BNC2: variants seen among roughly 807,000 people sequenced by gnomAD.
BNC2 encodes the protein basonuclin zinc finger protein 2.
Under a neutral mutation model 76.3 loss-of-function variants are expected in BNC2, and 20 were observed. That is an observed-to-expected ratio of 0.26 (90% confidence interval 0.18 to 0.38). The LOEUF (loss-of-function observed/expected upper bound fraction) is 0.38. BNC2 is among the 10% of genes least tolerant of loss of function. The pLI is 1.00. For synonymous variants in BNC2, 582 were observed against 514.8 expected, an observed-to-expected ratio of 1.13 and a Z score of -1.77; for missense variants, 1,382 against 1,399.8, an observed-to-expected ratio of 0.99 and a Z score of 0.20.
intron 1 of BNC2, among the ~76,000 whole-genome samples, chr9:16,857,016 A>T (rs560845078): frequency 8.7e-4 from 133 of 152,352 alleles, no homozygotes; most frequent in Admixed American, 3.1e-3. Context: ...TTGTCAGTCC[A>T]TACATATAAA....
chr9:16,763,461 A>G (rs1395184141), intron 1 of BNC2, among the ~76,000 whole-genome samples: 1 of 151,976 alleles, frequency 6.6e-6, no homozygotes, highest in Non-Finnish European at 1.5e-5. Context: ...TCCCAGCTAC[A>G]TGGGAAGCTG....
chr9:16,729,621 C>G (rs1001086624), intron 2 of BNC2, among the ~76,000 whole-genome samples: 1 of 152,122 alleles, frequency 6.6e-6, no homozygotes, highest in Non-Finnish European at 1.5e-5. Flanking sequence ...AGGAAACAAA[C>G]AAGAACCCAA....
chr9:16,558,599 T>G (rs993512196), intron 4 of BNC2, among the ~76,000 whole-genome samples: 2 of 152,158 alleles, frequency 1.3e-5, no homozygotes, highest in African/African-American at 4.8e-5. Context: ...AGAGTTCTAT[T>G]ACAACTACCC....
chr9:16,659,533 A>G lies in BNC2; in HGVS notation c.330+68264T>C, dbSNP rs532316393. ...TGAGGCAGGAGAATCGCTTGAACCC[A>G]GGAGGCGGAAATTGAAGTTAGCCGA... On this transcript the variant is annotated intron_variant, in intron 3 of 6. Coordinates refer to ENST00000380672, the MANE Select transcript of BNC2 (RefSeq NM_017637.6). Among the ~76,000 whole-genome samples, 25 of 149,924 alleles carry G rather than the reference A, an allele frequency of 1.7e-4. No individual in the cohort carries two copies. The East Asian group carries it at 3.2e-3, about 19-fold the overall frequency.
intron 3 of BNC2, among the ~76,000 whole-genome samples, chr9:16,645,620 G>C (rs552085380): frequency 1.3e-5 from 2 of 152,290 alleles, no homozygotes; most frequent in African/African-American, 4.8e-5. Flanking sequence ...TCCCATCACA[G>C]CACAAGAGTT....
intron 5 of BNC2, among the ~76,000 whole-genome samples, chr9:16,542,150 A>C (rs1818341067): frequency 6.6e-6 from 1 of 152,212 alleles, no homozygotes; most frequent in Admixed American, 6.5e-5. Flanking sequence ...AAATCAGGTT[A>C]ACACATTTCC....
chr9:16,847,605 G>GTA (rs1353537708), intron 1 of BNC2, among the ~76,000 whole-genome samples: 1 of 152,076 alleles, frequency 6.6e-6, no homozygotes. Flanking sequence ...ATACAAGGTA[G>GTA]TATAACTTAA....
intron 3 of BNC2, among the ~76,000 whole-genome samples, chr9:16,720,574 A>G (rs1026537715): frequency 6.6e-6 from 1 of 152,238 alleles, no homozygotes; most frequent in Non-Finnish European, 1.5e-5. Context: ...AGTTGTTTCA[A>G]TGAGTAACTT....
At chr9:16,849,503 C>T (rs953046581) in intron 1 of BNC2, among the ~76,000 whole-genome samples, 10 of 151,728 alleles carry the variant, frequency 6.6e-5, no homozygotes, top group East Asian at 3.9e-4. Context: ...AGATTACAGG[C>T]GCATGCCACC....
chr9:16,584,644 T>C (rs1819720458), intron 3 of BNC2, among the ~76,000 whole-genome samples: 1 of 152,150 alleles, frequency 6.6e-6, no homozygotes, highest in African/African-American at 2.4e-5. Flanking sequence ...GTAAACTTTG[T>C]TGTATATAGA....
chr9:16,418,278 CAA>C lies in BNC2; in HGVS notation c.*709_*710del, dbSNP rs1820627596. ...CACTATATCTAACAGGTAGTAAAAA[CAA>C]GACCATGTTTTTTTCTTTTTTTAAA... On this transcript the variant is annotated 3_prime_UTR_variant, in exon 7 of 7. Transcript: ENST00000380672. The C allele has an allele frequency of 6.6e-6, 1 of 152,566 alleles. No individual in the cohort carries two copies. The highest frequency in any genetic ancestry group is 6.5e-5 in the Admixed American group (1 of 15,286). 9.5% of individuals were successfully genotyped at this position (152,566 alleles called of 1,614,324 possible).
chr9:16,846,358 C>T (rs1818983839), intron 1 of BNC2, among the ~76,000 whole-genome samples: 1 of 152,084 alleles, frequency 6.6e-6, no homozygotes, highest in Admixed American at 6.6e-5. Context: ...AAGCAAAGCC[C>T]AAAAGGTCTG....
chr9:16,640,357 T>C (rs1420766483), intron 3 of BNC2, among the ~76,000 whole-genome samples: 1 of 152,206 alleles, frequency 6.6e-6, no homozygotes, highest in Admixed American at 6.5e-5. Context: ...ACAGATTATA[T>C]TAAATACAAA....
chr9:16,476,459 T>G (rs1821929634), intron 5 of BNC2, among the ~76,000 whole-genome samples: 1 of 152,148 alleles, frequency 6.6e-6, no homozygotes, highest in African/African-American at 2.4e-5. Context: ...CCTCATTAAT[T>G]GCAACTCATC....
intron 1 of BNC2, among the ~76,000 whole-genome samples, chr9:16,844,141 TAA>T (rs1189588107): frequency 2.1e-5 from 3 of 144,148 alleles, no homozygotes; most frequent in Non-Finnish European, 1.6e-5. Context: ...CAATTTCTCA[TAA>T]GTTTTTTTTT....
chr9:16,465,454 G>T (rs12340350), intron 5 of BNC2, among the ~76,000 whole-genome samples: 5 of 94,014 alleles, frequency 5.3e-5, no homozygotes, highest in Non-Finnish European at 1.1e-4. Context: ...AAAAAAAAAG[G>T]GTTAATAACC....
At chr9:16,824,019 C>T (rs1563959673) in intron 1 of BNC2, among the ~76,000 whole-genome samples, 1 of 152,200 alleles carries the variant, frequency 6.6e-6, no homozygotes, top group East Asian at 1.9e-4. Context: ...ATAGATTACA[C>T]ATATGTCCAT....
intron 3 of BNC2, among the ~76,000 whole-genome samples, chr9:16,613,575 C>A (rs1046466726): frequency 6.6e-6 from 1 of 152,118 alleles, no homozygotes; most frequent in African/African-American, 2.4e-5. Context: ...TCAGCTACTA[C>A]CTTCATTTTT....
intron 4 of BNC2, among the ~76,000 whole-genome samples, chr9:16,578,953 A>C (rs1192911892): frequency 1.3e-5 from 2 of 152,196 alleles, no homozygotes; most frequent in Non-Finnish European, 2.9e-5. Flanking sequence ...CCCATCAACT[A>C]AATTATTACA....
Sources: allele counts gnomAD v4.1 joint callset (sites outside exome capture counted in the v4.1 genomes callset), GRCh38; gene constraint gnomAD v4.1.1; transcripts MANE v1.5; gene names NCBI Gene and HGNC (gene_info 2026-07-23, HGNC 2026-07-21).